PATJ: variants seen among roughly 807,000 people sequenced by gnomAD.
PATJ encodes the protein PATJ crumbs cell polarity complex component, also known as inaD-like protein.
In PATJ, 190 loss-of-function variants were observed where a neutral mutation model predicts 224.9. The observed-to-expected ratio is 0.84, with a 90% CI of 0.75 to 0.95. PATJ has a LOEUF of 0.95. Ranked by LOEUF, PATJ falls within the 40% of genes least tolerant of loss-of-function variation. PATJ has a pLI of 0.00. For missense variants in PATJ, 2,121 were observed against 2,270.3 expected (o/e 0.93, Z 1.34); for synonymous variants, 769 against 820.3 (o/e 0.94, Z 1.07).
chr1:61,862,453 T>C (rs1444093891), intron 19 of PATJ, among the ~76,000 whole-genome samples: 2 of 152,208 alleles, frequency 1.3e-5, no homozygotes, highest in African/African-American at 4.8e-5. Flanking sequence ...CACCTCGGCC[T>C]CCCGAAGTGC....
At chr1:62,155,288 G>A (rs983809113) in intron 43 of PATJ, among the ~76,000 whole-genome samples, 1 of 152,108 alleles carries the variant, frequency 6.6e-6, no homozygotes, top group African/African-American at 2.4e-5. Flanking sequence ...CAGCTTCTAA[G>A]GCCTTTTGAC....
In PATJ at chr1:61,798,298, A is replaced by G. The variant is rs1484968195; in HGVS notation, c.1402+870A>G. On this transcript the variant is annotated intron_variant, in intron 11 of 43. Coordinates refer to ENST00000642238, the MANE Select transcript of PATJ (RefSeq NM_001350145.3). ...CCGCCTTACTTCCTGGGCTCAAGTT[A>G]TCCTCCTACCTCAGCCTCCTGAGTA... 2.6e-5 allele frequency among the ~76,000 whole-genome samples: 4 copies of G among 152,162 alleles called. No individual in the cohort carries two copies. In the East Asian group the frequency reaches 7.7e-4, roughly 29 times the overall value.
At chr1:62,139,399 CAAAAAA>C (rs4019658) in intron 41 of PATJ, among the ~76,000 whole-genome samples, 2 of 94,904 alleles carry the variant, frequency 2.1e-5, no homozygotes, top group Non-Finnish European at 3.7e-5. Flanking sequence ...GACTCCATCT[CAAAAAA>C]AAAAAAAAAA....
chr1:61,953,965 A>G (rs1256416199), intron 27 of PATJ, among the ~76,000 whole-genome samples: 1 of 152,218 alleles, frequency 6.6e-6, no homozygotes, highest in East Asian at 1.9e-4. Flanking sequence ...AAGTGAGTCA[A>G]GTATATCTAG....
chr1:62,114,117 C>T lies in PATJ; in HGVS notation c.4526C>T (p.Pro1509Leu). 1 of 1,614,124 alleles carries T rather than the reference C, an allele frequency of 6.2e-7. No individual in the cohort carries two copies. The highest frequency in any genetic ancestry group is 8.5e-7 in the Non-Finnish European group (1 of 1,180,016). ...EEAITALRQTPQKVRLVVYRD... is the reference protein window; with the variant it reads ...EEAITALRQTLQKVRLVVYRD... ...GCCATCACAGCCCTGAGGCAGACCC[C>T]CCAGAAGGTGCGGCTGGTGGTGTAT... Residue 1509 changes from proline (P) to leucine (L), a missense_variant, in exon 35 of 44, where the codon CCC becomes CTC. Pro to Leu is a moderately conservative substitution (Grantham distance 98). Transcript: ENST00000642238.
chr1:61,801,741 T>G lies in PATJ; in HGVS notation c.1521T>G (p.Asn507Lys). The change falls in exon 12 of 44, where the codon AAT becomes AAG. Residue 507 changes from asparagine (N) to lysine (K), a missense_variant. Coordinates refer to ENST00000642238, the MANE Select transcript of PATJ (RefSeq NM_001350145.3). ...AAGAAAGAATTGATACTTTAAAAAA[T>G]GACAACATACAAGCCTTAGAAAAAT... ...EIKERIDTLK[N>K]DNIQALEKLE... The G allele has an allele frequency of 6.3e-7, 1 of 1,599,694 alleles. No homozygotes were observed. Among genetic ancestry groups the G allele is most frequent in the Non-Finnish European group, 8.5e-7 (1 of 1,172,012 alleles).
At chr1:61,756,303 C>G (rs982762378) in intron 1 of PATJ, among the ~76,000 whole-genome samples, 1 of 152,136 alleles carries the variant, frequency 6.6e-6, no homozygotes, top group African/African-American at 2.4e-5. Flanking sequence ...ATTGTTTTCA[C>G]AGAAAGTCAC....
intron 15 of PATJ, among the ~76,000 whole-genome samples, chr1:61,826,599 G>A (rs1328822287): frequency 6.6e-6 from 1 of 152,128 alleles, no homozygotes; most frequent in Non-Finnish European, 1.5e-5. Context: ...TTAGAATTAT[G>A]TAGCCAAATC....
Position 61,954,224 on chromosome 1 carries a change from G to T in PATJ, c.3670+26395G>T, listed in dbSNP as rs1680110786. On this transcript the variant is annotated intron_variant, in intron 27 of 43. Transcript: ENST00000642238. ...TTTTAATACACTTTGGTAGTCTTAT[G>T]ACTTAGTCTATCTTATATTATGTTC... Among the ~76,000 whole-genome samples, 5 of 152,224 alleles carry T rather than the reference G, an allele frequency of 3.3e-5. No homozygotes were observed. The South Asian group carries it at 1.0e-3, about 32-fold the overall frequency.
intron 32 of PATJ, among the ~76,000 whole-genome samples, chr1:62,080,271 A>G (rs1659051847): frequency 6.6e-6 from 1 of 152,130 alleles, no homozygotes; most frequent in African/African-American, 2.4e-5. Flanking sequence ...CCTGGCTTGA[A>G]TTATGCTGAC....
chr1:62,094,558 A>AACACACAC lies in PATJ; in HGVS notation c.4377+9954_4377+9961dup, dbSNP rs58104906. 2.2e-3 allele frequency among the ~76,000 whole-genome samples: 289 copies of AACACACAC among 132,526 alleles called. 4 individuals are homozygous for AACACACAC. The highest frequency in any genetic ancestry group is 7.5e-3 in the Middle Eastern group (2 of 268). 86.9% of individuals were successfully genotyped at this position (132,526 alleles called of 152,430 possible). On this transcript the variant is annotated intron_variant, in intron 33 of 43. Transcript: ENST00000642238. ...CTGAACCTAACCTAGATTCTGTCTCAACACACACACACACACACACACACA... is the reference window on the plus strand; with the variant it reads ...CTGAACCTAACCTAGATTCTGTCTCAACACACACACACACACACACACACACACACACA...
chr1:61,858,593 A>G (rs1159974632), intron 18 of PATJ, among the ~76,000 whole-genome samples: 1 of 152,114 alleles, frequency 6.6e-6, no homozygotes, highest in Non-Finnish European at 1.5e-5. Flanking sequence ...CCAGGATCAC[A>G]TGAGTACTCA....
chr1:62,027,893 C>G (rs1648332249), intron 29 of PATJ, among the ~76,000 whole-genome samples: 1 of 151,936 alleles, frequency 6.6e-6, no homozygotes, highest in Admixed American at 6.6e-5. Flanking sequence ...AACCACTTGT[C>G]AGATATGTGA....
chr1:61,787,944 C>A lies in PATJ; in HGVS notation c.1040C>A (p.Pro347His), dbSNP rs779314951. ...CCTGCAGCCTTACCTGTTGCCCTGC[C>A]TACTGTAGCCAGCAAGGGCCCTGGT... ...PAPAALPVALPTVASKGPGSD... is the reference protein window; with the variant it reads ...PAPAALPVALHTVASKGPGSD... The change falls in exon 8 of 44, where the codon CCT becomes CAT. Residue 347 changes from proline to histidine, a missense_variant. Pro to His is a moderately conservative substitution (Grantham distance 77, BLOSUM62 -2). Coordinates refer to ENST00000642238, the MANE Select transcript of PATJ (RefSeq NM_001350145.3). 2 of 1,613,556 alleles carry A rather than the reference C, an allele frequency of 1.2e-6. No individual in the cohort carries two copies. The highest frequency in any genetic ancestry group is 1.7e-6 in the Non-Finnish European group (2 of 1,179,934).
At chr1:61,790,485 CTTCTTCTTCTTT>C (rs1649566307) in intron 8 of PATJ, among the ~76,000 whole-genome samples, 1 of 143,910 alleles carries the variant, frequency 6.9e-6, no homozygotes, top group African/African-American at 2.6e-5. Context: ...CTCTGCTTAG[CTTCTTCTTCTTT>C]TTCTTCTTCT....
chr1:61,783,695 G>T (rs12038135), intron 7 of PATJ, among the ~76,000 whole-genome samples: 63,088 of 148,666 alleles, frequency 0.42, 14,263 homozygotes, highest in South Asian at 0.6. Flanking sequence ...GCATATCAGA[G>T]AAGTTAAAAT....
chr1:62,022,159 C>G (rs1443485598), intron 29 of PATJ, among the ~76,000 whole-genome samples: 1 of 152,182 alleles, frequency 6.6e-6, no homozygotes, highest in Non-Finnish European at 1.5e-5. Context: ...TTTTAATTAA[C>G]TAAGGCCTTT....
chr1:61,892,024 T>C (rs542103313), intron 22 of PATJ, among the ~76,000 whole-genome samples: 7 of 152,272 alleles, frequency 4.6e-5, no homozygotes, highest in Admixed American at 3.9e-4. Flanking sequence ...CTCAAGACAA[T>C]GTCTGAATGT....
At chr1:61,864,659 CA>C in intron 20 of PATJ, 26 bp downstream of exon 20, 1 of 1,558,722 alleles carries the variant, frequency 6.4e-7, no homozygotes, top group Non-Finnish European at 8.7e-7. Context: ...AGATATTCCA[CA>C]CCTCCCCTTC....
Sources: gnomAD v4.1 joint callset for allele counts (sites outside exome capture counted in the v4.1 genomes callset) on GRCh38, gnomAD v4.1.1 for gene constraint, MANE v1.5 for transcripts, NCBI Gene and HGNC (gene_info 2026-07-23, HGNC 2026-07-21) for gene names.